GTF2F2: variants seen among roughly 807,000 people sequenced by gnomAD.
The protein encoded by GTF2F2 is general transcription factor IIF subunit 2, also known as ATP-dependent helicase GTF2F2.
In GTF2F2, 23 loss-of-function variants were observed where a neutral mutation model predicts 42.2. The observed-to-expected ratio is 0.55, with a 90% confidence interval of 0.39 to 0.77. The LOEUF is 0.77. GTF2F2 is among the 30% of genes least tolerant of loss of function. The probability of loss-of-function intolerance (pLI) is 0.00; values close to 1 mark genes in which losing one functional copy is unlikely to be tolerated. For synonymous variants in GTF2F2, 105 were observed against 100.8 expected (o/e 1.04, Z -0.25); for missense variants, 261 against 287.2 (o/e 0.91, Z 0.66).
intron 5 of GTF2F2, among the ~76,000 whole-genome samples, chr13:45,230,329 A>G (rs1039711238): frequency 2.6e-5 from 4 of 152,214 alleles, no homozygotes; most frequent in African/African-American, 9.7e-5. Flanking sequence ...AGTACTGGAA[A>G]GGCAGAGGGT....
At chr13:45,180,511 A>C (rs566052274) in intron 4 of GTF2F2, among the ~76,000 whole-genome samples, 3 of 152,242 alleles carry the variant, frequency 2.0e-5, no homozygotes, top group Admixed American at 2.0e-4. Flanking sequence ...TGTTTAAATG[A>C]GTATTTTTGT....
At chr13:45,228,281 A>ATTTTTTTTTTTTTTTTTT (rs1874467229) in intron 5 of GTF2F2, among the ~76,000 whole-genome samples, 1 of 85,696 alleles carries the variant, frequency 1.2e-5, no homozygotes, top group African/African-American at 1.0e-4. Context: ...GCCAGAGTTA[A>ATTTTTTTTTTTTTTTTTT]TCTTTTTTTT....
chr13:45,160,233 T>C (rs139439776), intron 4 of GTF2F2, among the ~76,000 whole-genome samples: 1 of 152,372 alleles, frequency 6.6e-6, no homozygotes, highest in African/African-American at 2.4e-5. Context: ...GATTTTCATC[T>C]CTACTTCTGT....
At chr13:45,178,362 A>G (rs1413362689) in intron 4 of GTF2F2, among the ~76,000 whole-genome samples, 2 of 146,582 alleles carry the variant, frequency 1.4e-5, no homozygotes, top group African/African-American at 5.1e-5. Context: ...TTATTTCTAG[A>G]TGTCTTATGT....
At chr13:45,172,096 A>G (rs899048782) in intron 4 of GTF2F2, among the ~76,000 whole-genome samples, 1 of 151,970 alleles carries the variant, frequency 6.6e-6, no homozygotes, top group Non-Finnish European at 1.5e-5. Context: ...TTAAGTTTTT[A>G]TTTCTCTTGT....
chr13:45,219,753 G>A (rs1160197943), intron 5 of GTF2F2: 1 of 152,108 alleles, frequency 6.6e-6, no homozygotes, highest in Non-Finnish European at 1.5e-5. Flanking sequence ...AATCTATAAT[G>A]TACCCCAGAT....
At chr13:45,257,529 A>G (rs185158464) in intron 6 of GTF2F2, among the ~76,000 whole-genome samples, 7 of 152,316 alleles carry the variant, frequency 4.6e-5, no homozygotes, top group African/African-American at 1.7e-4. Context: ...AAGATTAGTA[A>G]GCTTTAGGAA....
At chr13:45,199,151 C>G (rs188201568) in intron 4 of GTF2F2, among the ~76,000 whole-genome samples, 2 of 152,306 alleles carry the variant, frequency 1.3e-5, no homozygotes, top group South Asian at 4.1e-4. Flanking sequence ...GCCACAAGGT[C>G]GTGTGAACAT....
Position 45,226,504 on chromosome 13 carries a change from G to A in GTF2F2, c.386+18999G>A, listed in dbSNP as rs1399684392. 4.6e-5 allele frequency among the ~76,000 whole-genome samples: 7 copies of A among 152,202 alleles called. No individual in the cohort carries two copies. The South Asian group carries it at 1.0e-3, about 23-fold the overall frequency. ...ATTCTGTCATTCCAATCTTATATCA[G>A]AGACATACTATTTTGATTATTGTAG... is the stretch of plus-strand genomic sequence containing the variant. On this transcript the variant is annotated intron_variant, in intron 5 of 7. Coordinates refer to ENST00000340473, the MANE Select transcript of GTF2F2 (RefSeq NM_004128.3).
intron 1 of GTF2F2, among the ~76,000 whole-genome samples, chr13:45,134,693 TC>T (rs1869526270): frequency 6.6e-6 from 1 of 152,150 alleles, no homozygotes; most frequent in African/African-American, 2.4e-5. Flanking sequence ...AAATCCTCCT[TC>T]CCTTAGATCT....
chr13:45,140,140 G>C (rs1869850098), intron 2 of GTF2F2, among the ~76,000 whole-genome samples: 1 of 150,192 alleles, frequency 6.7e-6, no homozygotes, highest in South Asian at 2.1e-4. Context: ...TCTCGTAGAG[G>C]CAGAGTCTCC....
intron 4 of GTF2F2, among the ~76,000 whole-genome samples, chr13:45,180,980 G>T (rs1872127920): frequency 6.6e-6 from 1 of 151,314 alleles, no homozygotes; most frequent in African/African-American, 2.5e-5. Flanking sequence ...TGCCAGCACA[G>T]TGAAACCCCG....
At chr13:45,243,892 C>T (rs1166742421) in intron 5 of GTF2F2, among the ~76,000 whole-genome samples, 1 of 152,208 alleles carries the variant, frequency 6.6e-6, no homozygotes, top group African/African-American at 2.4e-5. Context: ...AACTCCTGAC[C>T]TCAAGTGATC....
intron 4 of GTF2F2, chr13:45,193,023 A>G (rs1253705438): frequency 6.6e-6 from 1 of 152,224 alleles, no homozygotes; most frequent in Non-Finnish European, 1.5e-5. Flanking sequence ...GCATAATTTT[A>G]TGCAAAATCA....
chr13:45,254,093 A>G (rs967211395), intron 6 of GTF2F2, among the ~76,000 whole-genome samples: 3 of 151,818 alleles, frequency 2.0e-5, no homozygotes, highest in Non-Finnish European at 4.4e-5. Context: ...AAAAGAAAGA[A>G]GAAGAGTGAG....
intron 7 of GTF2F2, among the ~76,000 whole-genome samples, chr13:45,278,451 A>C (rs1452509744): frequency 6.6e-6 from 1 of 152,222 alleles, no homozygotes; most frequent in Non-Finnish European, 1.5e-5. Flanking sequence ...GCTGGACCTG[A>C]GCCAGTTTAT....
intron 1 of GTF2F2, among the ~76,000 whole-genome samples, chr13:45,123,791 A>AT (rs201828514): frequency 0.14 from 18,616 of 136,046 alleles, 2,029 homozygotes; most frequent in African/African-American, 0.3. Flanking sequence ...GGAATTTTGA[A>AT]TTTTTTTTTT....
chr13:45,182,184 T>C (rs1267055881), intron 4 of GTF2F2, among the ~76,000 whole-genome samples: 1 of 152,138 alleles, frequency 6.6e-6, no homozygotes, highest in East Asian at 1.9e-4. Flanking sequence ...ACAGTCTCGC[T>C]CTGTTGCCCA....
In GTF2F2 at chr13:45,284,218, A is replaced by G. The variant is rs1195595336; in HGVS notation, c.*657A>G. 3 of 152,180 alleles carry G rather than the reference A, an allele frequency of 2.0e-5. No individual in the cohort carries two copies. The highest frequency in any genetic ancestry group is 1.3e-4 in the Admixed American group (2 of 15,266). 9.4% of individuals were successfully genotyped at this position (152,180 alleles called of 1,614,324 possible). A position where few individuals can be genotyped will look rare whatever the true frequency, so the allele number is the denominator to read the frequency against. On this transcript the variant is annotated 3_prime_UTR_variant, in exon 8 of 8. Coordinates refer to ENST00000340473, the MANE Select transcript of GTF2F2 (RefSeq NM_004128.3). The stretch of plus-strand genomic sequence containing the variant: ...TTGCTTTTAAGATAATTAGAAATTA[A>G]ATATCTTTCCAAAATTTGAAGATAT...
Sources: allele counts gnomAD v4.1 joint callset (sites outside exome capture counted in the v4.1 genomes callset), GRCh38; gene constraint gnomAD v4.1.1; transcripts MANE v1.5; gene names NCBI Gene and HGNC (gene_info 2026-07-23, HGNC 2026-07-21).